Variants in STK3 observed in about 807,000 individuals in gnomAD.
STK3 encodes the protein serine/threonine kinase 3.
Under a neutral mutation model 58.0 loss-of-function variants are expected in STK3, and 41 were observed. That is an observed-to-expected ratio of 0.71 (90% CI 0.55 to 0.92). STK3 has a LOEUF of 0.92. STK3 is among the 40% of genes least tolerant of loss of function. The pLI, the probability that STK3 is intolerant of heterozygous loss-of-function variation, is 0.00. For synonymous variants in STK3, 170 were observed against 191.0 expected, an observed-to-expected ratio of 0.89 and a Z score of 0.91; for missense variants, 479 against 602.7, an observed-to-expected ratio of 0.79 and a Z score of 2.15.
At position 98,583,953 on chromosome 8, in the gene STK3, G is replaced by C. The variant is rs180933270; in HGVS notation, c.823-4164C>G. 8.5e-3 allele frequency among the ~76,000 whole-genome samples: 1,285 copies of C among 151,990 alleles called. 11 individuals carry two copies. The highest frequency in any genetic ancestry group is 0.029 in the African/African-American group (1,209 of 41,466). ...CTTCTTTTAAAAATAGGAGTTATTT[G>C]TATTTTAGTTTTTAATTCAACCTAA... is the stretch of plus-strand genomic sequence containing the variant. On this transcript the variant is annotated intron_variant, in intron 7 of 10. Coordinates refer to ENST00000419617, the MANE Select transcript of STK3 (RefSeq NM_006281.4).
chr8:98,695,791 G>T (rs975826308), intron 6 of STK3, among the ~76,000 whole-genome samples: 1 of 152,164 alleles, frequency 6.6e-6, no homozygotes, highest in Non-Finnish European at 1.5e-5. Flanking sequence ...TTGAAGTCAG[G>T]TAGTGTGATG....
chr8:98,546,035 G>T (rs1417544334), intron 9 of STK3, among the ~76,000 whole-genome samples: 2 of 152,092 alleles, frequency 1.3e-5, no homozygotes, highest in African/African-American at 4.8e-5. Context: ...ATTACAGAAT[G>T]ATGTCTAACT....
chr8:98,514,160 AAC>A (rs772179942), intron 10 of STK3, among the ~76,000 whole-genome samples: 2 of 152,020 alleles, frequency 1.3e-5, no homozygotes, highest in Non-Finnish European at 2.9e-5. Context: ...AAAGCATGCC[AAC>A]AGTCTTAGGC....
intron 1 of STK3, among the ~76,000 whole-genome samples, chr8:98,446,888 C>G (rs1235832760): frequency 6.6e-6 from 1 of 152,028 alleles, no homozygotes; most frequent in African/African-American, 2.4e-5. Context: ...ATATATACAC[C>G]ATAGAATACC....
chr8:98,497,998 A>G (rs985819007), intron 10 of STK3, among the ~76,000 whole-genome samples: 1 of 152,228 alleles, frequency 6.6e-6, no homozygotes, highest in Non-Finnish European at 1.5e-5. Context: ...TCACAACAGC[A>G]TTATTCATAA....
At chr8:98,371,958 T>C (rs1255101700) in intron 2 of STK3, among the ~76,000 whole-genome samples, 1 of 152,134 alleles carries the variant, frequency 6.6e-6, no homozygotes, top group Admixed American at 6.5e-5. Flanking sequence ...CAAGTTAAGA[T>C]AAAGTCATAC....
Position 98,893,140 on chromosome 8 carries a change from C to T in STK3, c.-78-9306G>A, listed in dbSNP as rs1256743183. ...CGGTGGCTCATGCCTGTAATCTCAG[C>T]TCTTTGGGAGGCCAAGGTTGGGTGG... On this transcript the variant is annotated intron_variant, in intron 1 of 1. Coordinates refer to the STK3 transcript ENST00000519420. Among the ~76,000 whole-genome samples the T allele has an allele frequency of 2.0e-5, 3 of 151,960 alleles. No homozygotes were observed. The East Asian group carries it at 5.8e-4, about 29-fold the overall frequency.
At chr8:98,703,407 AT>A (rs919846848) in intron 6 of STK3, among the ~76,000 whole-genome samples, 12 of 152,198 alleles carry the variant, frequency 7.9e-5, no homozygotes, top group African/African-American at 2.2e-4. Context: ...ACAAAAAAAA[AT>A]GTTGGTAAAA....
At chr8:98,695,996 G>C (rs1225700428) in intron 6 of STK3, among the ~76,000 whole-genome samples, 1 of 152,060 alleles carries the variant, frequency 6.6e-6, no homozygotes, top group Non-Finnish European at 1.5e-5. Context: ...CTACCCATGA[G>C]CATGGAATGT....
intron 1 of STK3, among the ~76,000 whole-genome samples, chr8:98,792,881 G>A (rs1832893724): frequency 6.9e-6 from 1 of 144,642 alleles, no homozygotes; most frequent in South Asian, 2.3e-4. Context: ...ATCAACAACT[G>A]GATAAAGAGA....
At chr8:98,721,257 T>C (rs571936730) in intron 4 of STK3, 108 of 332,590 alleles carry the variant, frequency 3.2e-4, no homozygotes, top group South Asian at 6.0e-4. Flanking sequence ...GGAAAGATAG[T>C]TTCTAATCAA....
chr8:98,913,061 C>T (rs1024646273), intron 1 of STK3, among the ~76,000 whole-genome samples: 1 of 151,640 alleles, frequency 6.6e-6, no homozygotes, highest in African/African-American at 2.4e-5. Flanking sequence ...GCGTGAGCCA[C>T]TACACACAGC....
rs80324667 is a variant in STK3 at position 98,799,599 on chromosome 8, G to A, written c.27-24780C>T. Among the ~76,000 whole-genome samples the A allele has an allele frequency of 6.4e-3, 972 of 152,114 alleles. 9 individuals carry two copies. The highest frequency in any genetic ancestry group is 0.022 in the African/African-American group (922 of 41,488). On this transcript the variant is annotated intron_variant, in intron 1 of 10. Coordinates refer to ENST00000419617, the MANE Select transcript of STK3 (RefSeq NM_006281.4). The stretch of plus-strand genomic sequence containing the variant: ...TATCTGCCTCCCCACTAACTGGACC[G>A]GCACCTGCACCTTAGTCTTTCCAAG...
intron 1 of STK3, among the ~76,000 whole-genome samples, chr8:98,784,225 T>C (rs984991276): frequency 1.3e-5 from 2 of 152,170 alleles, no homozygotes; most frequent in Admixed American, 1.3e-4. Context: ...AAGTCAACCA[T>C]TCTTTGGCAA....
chr8:98,738,435 T>C (rs552183454), intron 4 of STK3, among the ~76,000 whole-genome samples: 1 of 152,084 alleles, frequency 6.6e-6, no homozygotes, highest in Admixed American at 6.5e-5. Context: ...ATCACGCCAT[T>C]GCACTCCAGC....
chr8:98,860,429 G>A (rs1328872711), intron 3 of STK3, among the ~76,000 whole-genome samples: 1 of 152,182 alleles, frequency 6.6e-6, no homozygotes, highest in African/African-American at 2.4e-5. Context: ...CCTAAGGTGG[G>A]AAGGAGCTTG....
intron 3 of STK3, among the ~76,000 whole-genome samples, chr8:98,409,971 T>C (rs1183513056): frequency 6.6e-6 from 1 of 152,236 alleles, no homozygotes; most frequent in Non-Finnish European, 1.5e-5. Context: ...TCAAGTTTTG[T>C]TTAGGATATA....
chr8:98,532,404 G>A (rs930178299), intron 9 of STK3, among the ~76,000 whole-genome samples: 1 of 152,142 alleles, frequency 6.6e-6, no homozygotes, highest in Non-Finnish European at 1.5e-5. Flanking sequence ...TCTTATATAG[G>A]CGCAGTTTGT....
chr8:98,394,321 A>G (rs1009474493), intron 3 of STK3, among the ~76,000 whole-genome samples: 3 of 152,158 alleles, frequency 2.0e-5, no homozygotes, highest in African/African-American at 7.2e-5. Context: ...ATCCAAGGCT[A>G]CTCTGATTGA....
Sources: gnomAD v4.1 joint callset for allele counts (sites outside exome capture counted in the v4.1 genomes callset) on GRCh38, gnomAD v4.1.1 for gene constraint, MANE v1.5 for transcripts, NCBI Gene and HGNC (gene_info 2026-07-23, HGNC 2026-07-21) for gene names.